DOCK4: variants seen among roughly 807,000 people sequenced by gnomAD.
DOCK4 encodes the protein dedicator of cytokinesis 4, also known as dedicator of cytokinesis protein 4.
In DOCK4, 97 loss-of-function variants were observed where a neutral mutation model predicts 268.1. The observed-to-expected ratio is 0.36, with a 90% CI of 0.31 to 0.43. The LOEUF (loss-of-function observed/expected upper bound fraction) is 0.43. Among genes scored for constraint, DOCK4 ranks in the 20% least tolerant of loss-of-function variants. The pLI, the probability that DOCK4 is intolerant of heterozygous loss-of-function variation, is 1.00. For missense variants in DOCK4, 2,145 were observed against 2,455.7 expected, an observed-to-expected ratio of 0.87 and a Z score of 2.67; for synonymous variants, 954 against 887.2, an observed-to-expected ratio of 1.08 and a Z score of -1.34.
intron 13 of DOCK4, among the ~76,000 whole-genome samples, chr7:111,910,697 T>C (rs1173102167): frequency 6.6e-6 from 1 of 152,186 alleles, no homozygotes; most frequent in Admixed American, 6.5e-5. Flanking sequence ...TTAAAATAAT[T>C]TGCTGCTCTC....
chr7:112,014,900 G>C lies in DOCK4; in HGVS notation c.38-10769C>G, dbSNP rs1438106581. On this transcript the variant is annotated intron_variant, in intron 1 of 52. Transcript: ENST00000428084. ...GGCCTGAGAAACAGAGTGAGATCCT[G>C]TCTCGAAAGGAAGAAAGAGAAAAGG... Among the ~76,000 whole-genome samples, 8 of 152,164 alleles carry C rather than the reference G, an allele frequency of 5.3e-5. No individual in the cohort carries two copies. The East Asian group carries it at 1.2e-3, about 22-fold the overall frequency.
At chr7:112,169,066 G>C (rs1432592353) in intron 1 of DOCK4, among the ~76,000 whole-genome samples, 1 of 152,178 alleles carries the variant, frequency 6.6e-6, no homozygotes, top group Non-Finnish European at 1.5e-5. Context: ...TTAGATCATG[G>C]GGGTGAATTT....
intron 8 of DOCK4, among the ~76,000 whole-genome samples, chr7:111,975,761 A>T (rs1420383847): frequency 1.3e-5 from 2 of 152,180 alleles, no homozygotes; most frequent in East Asian, 3.9e-4. Flanking sequence ...AAGTTAATTC[A>T]ACAAAGATTT....
At chr7:112,041,997 C>G (rs571317515) in intron 1 of DOCK4, among the ~76,000 whole-genome samples, 1 of 152,228 alleles carries the variant, frequency 6.6e-6, no homozygotes, top group Admixed American at 6.5e-5. Flanking sequence ...AGGTGGCACA[C>G]GCGTGTAGTC....
intron 16 of DOCK4, among the ~76,000 whole-genome samples, chr7:111,887,882 G>C (rs1586273498): frequency 6.6e-6 from 1 of 152,038 alleles, no homozygotes; most frequent in South Asian, 2.1e-4. Context: ...AGGAGGGAGG[G>C]AGATCCTGAA....
At chr7:111,872,708 A>G in intron 17 of DOCK4, 144 bp from the exon 18 acceptor site, 1 of 617,254 alleles carries the variant, frequency 1.6e-6, no homozygotes, top group Admixed American at 3.1e-5. Context: ...ACAAACTATG[A>G]CTAGCCCTCT....
At chr7:112,055,062 C>G (rs1805692924) in intron 1 of DOCK4, among the ~76,000 whole-genome samples, 1 of 152,172 alleles carries the variant, frequency 6.6e-6, no homozygotes, top group South Asian at 2.1e-4. Context: ...TCAATAAGGT[C>G]TTAGAAACTG....
At chr7:111,850,689 G>A (rs1432065394) in intron 23 of DOCK4, among the ~76,000 whole-genome samples, 1 of 152,018 alleles carries the variant, frequency 6.6e-6, no homozygotes, top group Non-Finnish European at 1.5e-5. Flanking sequence ...TCCTTCTCCT[G>A]GACAATGAGT....
intron 32 of DOCK4, chr7:111,784,628 C>G (rs570293684): frequency 8.1e-6 from 3 of 370,256 alleles, no homozygotes; most frequent in Non-Finnish European, 1.6e-5. Flanking sequence ...CATCTCTCCT[C>G]CTACATTTCC....
chr7:112,117,082 C>T (rs1286613730), intron 1 of DOCK4, among the ~76,000 whole-genome samples: 1 of 152,172 alleles, frequency 6.6e-6, no homozygotes, highest in Non-Finnish European at 1.5e-5. Context: ...CACACCTGTG[C>T]ACACACTTTA....
chr7:111,864,553 C>T (rs1169752107), intron 22 of DOCK4, among the ~76,000 whole-genome samples: 1 of 152,162 alleles, frequency 6.6e-6, no homozygotes, highest in Non-Finnish European at 1.5e-5. Flanking sequence ...CAGACTCACT[C>T]AAACTCAAAT....
At chr7:111,809,514 A>C in intron 28 of DOCK4, 113 bp from the exon 29 acceptor site, 1 of 800,622 alleles carries the variant, frequency 1.2e-6, no homozygotes, top group Non-Finnish European at 2.1e-6. Context: ...AGTTGAAGTA[A>C]GACTGACCAT....
chr7:112,105,185 G>A (rs183722413), intron 1 of DOCK4, among the ~76,000 whole-genome samples: 2 of 152,176 alleles, frequency 1.3e-5, no homozygotes, highest in African/African-American at 2.4e-5. Context: ...AACTCATAGA[G>A]GACAGATTCC....
intron 6 of DOCK4, among the ~76,000 whole-genome samples, chr7:111,985,210 T>TG (rs557274367): frequency 1.5e-4 from 23 of 152,234 alleles, no homozygotes; most frequent in Admixed American, 1.4e-3. Flanking sequence ...CTGACACCAA[T>TG]GCCACACAGT....
chr7:112,086,139 T>C (rs1432389999), intron 1 of DOCK4, among the ~76,000 whole-genome samples: 1 of 152,144 alleles, frequency 6.6e-6, no homozygotes, highest in Non-Finnish European at 1.5e-5. Flanking sequence ...CAGACATGGA[T>C]AAGATTGGCA....
chr7:112,202,280 A>T (rs944378209), intron 1 of DOCK4, among the ~76,000 whole-genome samples: 3 of 152,226 alleles, frequency 2.0e-5, no homozygotes, highest in African/African-American at 7.2e-5. Flanking sequence ...TTTACATAAC[A>T]GCTGTATTAA....
At chr7:111,908,628 C>T (rs1317654523) in intron 13 of DOCK4, among the ~76,000 whole-genome samples, 2 of 151,952 alleles carry the variant, frequency 1.3e-5, no homozygotes, top group Non-Finnish European at 2.9e-5. Context: ...GTTTGCTATG[C>T]CTATCAACCC....
intron 13 of DOCK4, among the ~76,000 whole-genome samples, chr7:111,914,469 A>G (rs1378663538): frequency 1.3e-5 from 2 of 152,158 alleles, no homozygotes; most frequent in African/African-American, 2.4e-5. Context: ...CAAGGTCCAC[A>G]TGACTTCCCT....
At chr7:112,196,907 C>T (rs1011875716) in intron 1 of DOCK4, among the ~76,000 whole-genome samples, 2 of 152,138 alleles carry the variant, frequency 1.3e-5, no homozygotes, top group South Asian at 2.1e-4. Context: ...CACACAGTTC[C>T]CTTTTTTTCC....
Sources: allele counts gnomAD v4.1 joint callset (sites outside exome capture counted in the v4.1 genomes callset), GRCh38; gene constraint gnomAD v4.1.1; transcripts MANE v1.5; gene names NCBI Gene and HGNC (gene_info 2026-07-23, HGNC 2026-07-21).